The following NGEF variants were observed in gnomAD, a reference collection of about 807,000 sequenced individuals.
NGEF encodes the protein neuronal guanine nucleotide exchange factor, also known as ephexin-1.
A neutral mutation model predicts 80.9 loss-of-function variants in NGEF; 31 were observed. That is an observed-to-expected ratio of 0.38 (90% CI 0.29 to 0.52). The LOEUF (loss-of-function observed/expected upper bound fraction) is 0.52, where lower values mean the gene tolerates loss of function less well. NGEF is among the 20% of genes least tolerant of loss of function. The probability of loss-of-function intolerance (pLI) is 0.84; values close to 1 mark genes in which losing one functional copy is unlikely to be tolerated. For synonymous variants in NGEF, 371 were observed against 370.2 expected (o/e 1.00, Z -0.03); for missense variants, 709 against 926.2 (o/e 0.77, Z 3.04).
In NGEF at chr2:232,894,744, C is replaced by G. The variant is rs868301425; in HGVS notation, c.989+12G>C. The G allele has an allele frequency of 6.4e-7, 1 of 1,558,384 alleles. No homozygotes were observed. Among genetic ancestry groups the G allele is most frequent in the Non-Finnish European group, 8.8e-7 (1 of 1,138,658 alleles). On this transcript the variant is annotated intron_variant, in intron 6 of 14. Coordinates refer to ENST00000264051, the MANE Select transcript of NGEF (RefSeq NM_019850.3). ...GGGCCCTGAGGGAGGTGGCTGTCCC[C>G]CCCGTCCTCACCGCTCACTGACAGC...
At chr2:232,953,510 A>T (rs34933213) in intron 3 of NGEF, among the ~76,000 whole-genome samples, 56,977 of 121,352 alleles carry the variant, frequency 0.47, 11,746 homozygotes, top group Non-Finnish European at 0.5. Flanking sequence ...TTTTTTTTTT[A>T]AAAAAAAAAG....
At chr2:232,988,942 G>C (rs1206112116) in intron 1 of NGEF, among the ~76,000 whole-genome samples, 2 of 152,168 alleles carry the variant, frequency 1.3e-5, no homozygotes, top group South Asian at 4.1e-4. Context: ...AGCATAAAGA[G>C]AGAAATGTAT....
intron 6 of NGEF, among the ~76,000 whole-genome samples, chr2:232,893,500 G>A (rs1373616915): frequency 1.3e-5 from 2 of 152,176 alleles, no homozygotes; most frequent in Admixed American, 6.5e-5. Context: ...AGGGCCAGGC[G>A]CAGTGGCTCA....
chr2:232,912,656 G>T (rs1158456082), intron 5 of NGEF, among the ~76,000 whole-genome samples: 1 of 152,118 alleles, frequency 6.6e-6, no homozygotes, highest in Non-Finnish European at 1.5e-5. Context: ...GGCATATTTT[G>T]AAAGATTTTA....
At chr2:232,950,592 G>T (rs1241145502) in intron 3 of NGEF, among the ~76,000 whole-genome samples, 1 of 152,230 alleles carries the variant, frequency 6.6e-6, no homozygotes, top group African/African-American at 2.4e-5. Flanking sequence ...CTTCAGGCAG[G>T]CAAGACAGCA....
intron 14 of NGEF, 104 bp downstream of exon 14, chr2:232,881,042 C>T: frequency 1.1e-6 from 1 of 872,446 alleles, no homozygotes; most frequent in Non-Finnish European, 1.9e-6. Flanking sequence ...CATGGCAGGA[C>T]ACCAGCCTGT....
intron 1 of NGEF, among the ~76,000 whole-genome samples, chr2:233,006,873 C>T (rs1430610485): frequency 6.6e-6 from 1 of 152,136 alleles, no homozygotes; most frequent in Non-Finnish European, 1.5e-5. Flanking sequence ...AGGCGGGATT[C>T]AAACCCAGGC....
intron 1 of NGEF, among the ~76,000 whole-genome samples, chr2:233,010,273 T>C: frequency 6.6e-6 from 1 of 152,166 alleles, no homozygotes; most frequent in East Asian, 1.9e-4. Context: ...CCCTCCCTTT[T>C]GCTAAAACCC....
In NGEF at chr2:232,879,435, C is replaced by T. The variant is rs1448143710; in HGVS notation, c.*54G>A. The T allele has an allele frequency of 1.4e-6, 2 of 1,443,736 alleles. No individual in the cohort carries two copies. The highest frequency in any genetic ancestry group is 4.1e-4 in the Middle Eastern group (2 of 4,824). 89.4% of individuals were successfully genotyped at this position (1,443,736 alleles called of 1,614,324 possible). A position where few individuals can be genotyped will look rare whatever the true frequency, so the allele number is the denominator to read the frequency against. The stretch of plus-strand genomic sequence containing the variant: ...GCTTCCCAGAGCCCCCCCCCCCCCA[C>T]CTTCTGTCGGGGTCTCATGCAGGCC... On this transcript the variant is annotated 3_prime_UTR_variant, in exon 15 of 15. Transcript: ENST00000264051.
intron 3 of NGEF, among the ~76,000 whole-genome samples, chr2:232,959,510 T>A (rs575375613): frequency 1.3e-5 from 2 of 151,700 alleles, no homozygotes; most frequent in African/African-American, 2.4e-5. Context: ...TTGCCCAGCA[T>A]CAGCACTTGA....
chr2:232,882,194 C>T lies in NGEF; in HGVS notation c.1829G>A (p.Arg610Gln), dbSNP rs772347533. ...RRTKFVSFTSRLLDCPQVQCV... is the reference protein window; with the variant it reads ...RRTKFVSFTSQLLDCPQVQCV... ...ACCCACCGGTGACTTACCCAGCAGC[C>T]GGGATGTGAACGAAACAAACTTGGT... Residue 610 changes from arginine (R) to glutamine (Q), a missense_variant, in exon 13 of 15, where the codon CGG (arginine) becomes CAG (glutamine). Coordinates refer to ENST00000264051, the MANE Select transcript of NGEF (RefSeq NM_019850.3). 1.7e-5 allele frequency: 28 copies of T among 1,613,566 alleles called. No homozygotes were observed. Among genetic ancestry groups the T allele is most frequent in the East Asian group, 4.5e-5 (2 of 44,884 alleles).
intron 3 of NGEF, chr2:232,928,201 G>A: frequency 4.1e-6 from 4 of 973,754 alleles, no homozygotes; most frequent in Non-Finnish European, 4.9e-6. Context: ...CCACGGCAAC[G>A]AGGGAGGCGG....
At chr2:232,977,504 G>A (rs574503704) in intron 1 of NGEF, among the ~76,000 whole-genome samples, 4 of 152,196 alleles carry the variant, frequency 2.6e-5, no homozygotes, top group Admixed American at 1.3e-4. Flanking sequence ...CCTGCCTGCC[G>A]CTGGCATTGC....
intron 5 of NGEF, among the ~76,000 whole-genome samples, chr2:232,915,789 C>T (rs1215026990): frequency 1.3e-5 from 2 of 152,150 alleles, no homozygotes; most frequent in Non-Finnish European, 2.9e-5. Flanking sequence ...CTCCCAGGTT[C>T]AAGCGATTCT....
chr2:232,971,779 GGT>G (rs1444947157), intron 2 of NGEF, among the ~76,000 whole-genome samples: 2 of 152,198 alleles, frequency 1.3e-5, no homozygotes, highest in African/African-American at 4.8e-5. Context: ...CTGTCTATCT[GGT>G]GTCAGCATCC....
At chr2:232,891,031 A>G (rs919585804) in intron 8 of NGEF, 1 of 499,578 alleles carries the variant, frequency 2.0e-6, no homozygotes, top group Non-Finnish European at 4.1e-6. Flanking sequence ...GCCAGGTCTC[A>G]GCTTACACGT....
At chr2:232,995,666 G>T (rs1289667023) in intron 1 of NGEF, among the ~76,000 whole-genome samples, 1 of 76,232 alleles carries the variant, frequency 1.3e-5, no homozygotes, top group Non-Finnish European at 2.4e-5. Context: ...GTATTATAGT[G>T]TATATATGTA....
chr2:232,997,185 A>G (rs1349896999), intron 1 of NGEF, among the ~76,000 whole-genome samples: 1 of 152,220 alleles, frequency 6.6e-6, no homozygotes, highest in Non-Finnish European at 1.5e-5. Flanking sequence ...TGCTGGGCCC[A>G]GAGCTTCTGA....
In NGEF at chr2:232,894,744, C is replaced by T. The variant is rs868301425; in HGVS notation, c.989+12G>A. On this transcript the variant is annotated intron_variant, in intron 6 of 14. Coordinates refer to ENST00000264051, the MANE Select transcript of NGEF (RefSeq NM_019850.3). ...GGGCCCTGAGGGAGGTGGCTGTCCCCCCCGTCCTCACCGCTCACTGACAGC... is the reference window on the plus strand; with the variant it reads ...GGGCCCTGAGGGAGGTGGCTGTCCCTCCCGTCCTCACCGCTCACTGACAGC... 2.6e-6 allele frequency: 4 copies of T among 1,558,384 alleles called. No homozygotes were observed. The highest frequency in any genetic ancestry group is 2.7e-5 in the African/African-American group (2 of 74,290).
Sources: gnomAD v4.1 joint callset for allele counts (sites outside exome capture counted in the v4.1 genomes callset) on GRCh38, gnomAD v4.1.1 for gene constraint, MANE v1.5 for transcripts, NCBI Gene and HGNC (gene_info 2026-07-23, HGNC 2026-07-21) for gene names.